PXDNL: variants seen among roughly 807,000 people sequenced by gnomAD.
PXDNL encodes probable oxidoreductase PXDNL.
Under a neutral mutation model 150.8 loss-of-function variants are expected in PXDNL, and 145 were observed. The observed-to-expected ratio is 0.96, with a 90% confidence interval of 0.84 to 1.10. The LOEUF (loss-of-function observed/expected upper bound fraction) is 1.10, where lower values mean the gene tolerates loss of function less well. PXDNL is among the 50% of genes least tolerant of loss of function. The probability of loss-of-function intolerance (pLI) is 0.00; values close to 1 mark genes in which losing one functional copy is unlikely to be tolerated. For missense variants in PXDNL, 2,087 were observed against 1,873.9 expected (o/e 1.11, Z -2.10); for synonymous variants, 757 against 725.7 (o/e 1.04, Z -0.69).
At chr8:51,460,871 C>G (rs2130021435) in intron 8 of PXDNL, among the ~76,000 whole-genome samples, 1 of 152,280 alleles carries the variant, frequency 6.6e-6, no homozygotes, top group South Asian at 2.1e-4. Flanking sequence ...CCAAGGCTCT[C>G]CATCTTGCTC....
chr8:51,607,658 T>C (rs1403478385), intron 2 of PXDNL, among the ~76,000 whole-genome samples: 1 of 148,908 alleles, frequency 6.7e-6, no homozygotes, highest in Non-Finnish European at 1.5e-5. Context: ...CTGGCCAACA[T>C]GGCAAAACCC....
Position 51,449,263 on chromosome 8 carries a change from G to A in PXDNL, c.1250-145C>T, listed in dbSNP as rs1182030963. Reference sequence around the variant, plus strand: ...TAAACAAGGTTATAAAGAGTGTGGAGGTGCTTCTGTATGTTTGTGCCTGTT... The same window carrying A: ...TAAACAAGGTTATAAAGAGTGTGGAAGTGCTTCTGTATGTTTGTGCCTGTT... On this transcript the variant is annotated intron_variant, in intron 10 of 22. Transcript: ENST00000356297. 1.7e-5 allele frequency: 10 copies of A among 582,840 alleles called. No homozygotes were observed. In the Admixed American group the frequency reaches 3.3e-4, roughly 19 times the overall value. The allele number at this position is 582,840 out of a possible 1,614,324, so 36.1% of individuals were successfully genotyped here.
intron 17 of PXDNL, among the ~76,000 whole-genome samples, chr8:51,392,029 G>A (rs1200257383): frequency 6.6e-6 from 1 of 152,174 alleles, no homozygotes; most frequent in Non-Finnish European, 1.5e-5. Context: ...TCTCAGGCTT[G>A]TCAAAGATCA....
At chr8:51,710,037 A>T (rs113753525) in intron 1 of PXDNL, among the ~76,000 whole-genome samples, 9 of 152,212 alleles carry the variant, frequency 5.9e-5, no homozygotes, top group African/African-American at 1.9e-4. Context: ...TTTTAGCCAG[A>T]GGAGCCAATC....
intron 4 of PXDNL, among the ~76,000 whole-genome samples, chr8:51,546,588 A>C (rs1443525233): frequency 2.6e-5 from 4 of 152,172 alleles, no homozygotes; most frequent in Non-Finnish European, 5.9e-5. Flanking sequence ...ACTTGGTAAT[A>C]ATTGCAACTG....
At chr8:51,452,843 T>C (rs1809835007) in intron 10 of PXDNL, among the ~76,000 whole-genome samples, 1 of 152,068 alleles carries the variant, frequency 6.6e-6, no homozygotes, top group African/African-American at 2.4e-5. Flanking sequence ...ATGACTCCAA[T>C]AGCACTTATA....
At chr8:51,508,580 A>T (rs879891938) in intron 4 of PXDNL, among the ~76,000 whole-genome samples, 4 of 152,108 alleles carry the variant, frequency 2.6e-5, no homozygotes, top group Admixed American at 2.6e-4. Flanking sequence ...CTCTTTCCCC[A>T]GCCTCCTGGA....
chr8:51,789,134 G>A (rs1309143850), intron 1 of PXDNL, among the ~76,000 whole-genome samples: 1 of 151,472 alleles, frequency 6.6e-6, no homozygotes, highest in African/African-American at 2.4e-5. Context: ...ACAAATTTCA[G>A]GTTCTCAGTA....
chr8:51,501,401 C>G (rs1036650819), intron 4 of PXDNL, among the ~76,000 whole-genome samples: 1 of 150,998 alleles, frequency 6.6e-6, no homozygotes, highest in African/African-American at 2.4e-5. Flanking sequence ...AACACACTCT[C>G]ACATGCTCAG....
At chr8:51,577,999 G>GAAAGAGGA (rs1409948869) in intron 3 of PXDNL, among the ~76,000 whole-genome samples, 29 of 31,490 alleles carry the variant, frequency 9.2e-4, no homozygotes, top group East Asian at 1.6e-3. Flanking sequence ...AAGAAAGAAA[G>GAAAGAGGA]AGGAAGGAAG....
chr8:51,593,691 C>A (rs1813497848), intron 2 of PXDNL, among the ~76,000 whole-genome samples: 1 of 152,170 alleles, frequency 6.6e-6, no homozygotes, highest in South Asian at 2.1e-4. Context: ...AACTGATTCA[C>A]TGTAGGCCTC....
intron 2 of PXDNL, among the ~76,000 whole-genome samples, chr8:51,616,130 C>G (rs1327305970): frequency 6.6e-6 from 1 of 152,190 alleles, no homozygotes. Context: ...AATTAAGGAG[C>G]CATTAGGTTG....
intron 8 of PXDNL, among the ~76,000 whole-genome samples, chr8:51,465,379 A>C (rs1470630685): frequency 6.6e-6 from 1 of 152,156 alleles, no homozygotes; most frequent in Non-Finnish European, 1.5e-5. Flanking sequence ...AAACCTCAAC[A>C]AACTAGGCGT....
intron 10 of PXDNL, among the ~76,000 whole-genome samples, chr8:51,452,018 G>T (rs1413627268): frequency 6.6e-6 from 1 of 152,180 alleles, no homozygotes; most frequent in African/African-American, 2.4e-5. Context: ...GAAATAGGCA[G>T]GATGGTAAAG....
intron 21 of PXDNL, among the ~76,000 whole-genome samples, chr8:51,325,643 C>A (rs891708349): frequency 6.6e-6 from 1 of 152,190 alleles, no homozygotes; most frequent in Non-Finnish European, 1.5e-5. Flanking sequence ...TCTCTGCAAC[C>A]ACCCCAGTGA....
At chr8:51,737,938 G>A (rs1817072272) in intron 1 of PXDNL, among the ~76,000 whole-genome samples, 1 of 152,150 alleles carries the variant, frequency 6.6e-6, no homozygotes, top group South Asian at 2.1e-4. Flanking sequence ...CCACCCAGGG[G>A]CCCCACCTCT....
Position 51,408,319 on chromosome 8 carries a change from C to A in PXDNL, c.3305G>T (p.Arg1102Leu). The change falls in exon 17 of 23, where the codon CGG becomes CTG. Residue 1102 changes from arginine to leucine, a missense_variant. Arg to Leu is a moderately radical substitution (Grantham distance 102). Transcript: ENST00000356297. The part of the protein sequence containing the change: ...IKEGGIDPVL[R>L]GLFGVAAKWR... ...TTTAGCAGCCACGCCAAACAGCCCC[C>A]GGAGAACCGGGTCTATCCCACCTTC... The A allele has an allele frequency of 1.9e-6, 3 of 1,613,966 alleles. No homozygotes were observed. Among genetic ancestry groups the A allele is most frequent in the Non-Finnish European group, 2.5e-6 (3 of 1,179,886 alleles).
chr8:51,628,098 A>G (rs184647118), intron 2 of PXDNL, among the ~76,000 whole-genome samples: 121 of 152,304 alleles, frequency 7.9e-4, no homozygotes, highest in African/African-American at 2.3e-3. Context: ...AAATTAGGAT[A>G]TTCAAAATTG....
chr8:51,444,693 G>A lies in PXDNL; in HGVS notation c.1525+2311C>T, dbSNP rs77730659. Among the ~76,000 whole-genome samples the A allele has an allele frequency of 6.5e-3, 992 of 152,096 alleles. 5 individuals are homozygous for A. Among genetic ancestry groups the A allele is most frequent in the African/African-American group, 0.023 (939 of 41,498 alleles). ...AAAGTATTACTGGGAACAGGTACTG[G>A]GGGGAAAAATATTCCTCATAATCTC... On this transcript the variant is annotated intron_variant, in intron 12 of 22. Coordinates refer to ENST00000356297, the MANE Select transcript of PXDNL (RefSeq NM_144651.5).
Sources: allele counts gnomAD v4.1 joint callset (sites outside exome capture counted in the v4.1 genomes callset), GRCh38; gene constraint gnomAD v4.1.1; transcripts MANE v1.5; gene names NCBI Gene and HGNC (gene_info 2026-07-23, HGNC 2026-07-21).